Variants in MED16 observed in about 807,000 individuals in gnomAD.
MED16 encodes mediator of RNA polymerase II transcription subunit 16.
A neutral mutation model predicts 84.4 loss-of-function variants in MED16; 81 were observed. The observed-to-expected ratio is 0.96, with a 90% CI of 0.80 to 1.15. MED16 has a LOEUF of 1.15. Ranked by LOEUF, MED16 falls within the 50% of genes most tolerant of loss-of-function variation. The probability of loss-of-function intolerance (pLI) is 0.00; values close to 1 mark genes in which losing one functional copy is unlikely to be tolerated. For synonymous variants in MED16, 897 were observed against 552.2 expected, an observed-to-expected ratio of 1.62 and a Z score of -8.76; for missense variants, 1,585 against 1,245.9, an observed-to-expected ratio of 1.27 and a Z score of -4.10.
chr19:875,095 C>CGGA, intron 10 of MED16, 149 bp downstream of exon 10: 2 of 495,542 alleles, frequency 4.0e-6, no homozygotes, highest in Non-Finnish European at 6.7e-6. Context: ...ACCAGAGAGG[C>CGGA]GGAGGCTGCA....
rs1218357128 is a variant in MED16, at chr19:868,612, C to CTCCCCACG, written c.2400-121_2400-114dup. On this transcript the variant is annotated intron_variant, in intron 14 of 15. Transcript: ENST00000325464. ...CTCTGCTCGCCGTCCCTCACGCCTG[C>CTCCCCACG]TCCCCACGTCCCCACCTGCCACAGG... 7.1e-5 allele frequency: 98 copies of CTCCCCACG among 1,387,540 alleles called. 1 individual carries two copies. The highest frequency in any genetic ancestry group is 2.5e-4 in the Admixed American group (11 of 44,158). The allele number at this position is 1,387,540 out of a possible 1,614,324, so 86.0% of individuals were successfully genotyped here. A position where few individuals can be genotyped will look rare whatever the true frequency, so the allele number is the denominator to read the frequency against.
rs146459484 is a variant in MED16, at chr19:872,612, GC to G, written c.1906-495del. Among the ~76,000 whole-genome samples the G allele has an allele frequency of 3.6e-3, 547 of 151,084 alleles. 26 individuals are homozygous for G. In the South Asian group the frequency reaches 0.089, roughly 24 times the overall value. On this transcript the variant is annotated intron_variant, in intron 11 of 15. Transcript: ENST00000325464. ...GGCAGGATGAAGCCGGGTGGGTGGGGCAGAAGAAATCACAGCTGGGGCAGGA... is the reference window on the plus strand; with the variant it reads ...GGCAGGATGAAGCCGGGTGGGTGGGGAGAAGAAATCACAGCTGGGGCAGGA...
chr19:890,547 A>C, intron 2 of MED16: 1 of 370,688 alleles, frequency 2.7e-6, no homozygotes, highest in Non-Finnish European at 4.9e-6. Flanking sequence ...TTTGATTCCA[A>C]TTTTCTGTGG....
intron 11 of MED16, 123 bp from the exon 12 acceptor site, chr19:872,241 T>A: frequency 1.3e-6 from 1 of 774,586 alleles, no homozygotes; most frequent in South Asian, 1.8e-5. Context: ...ACATTTGTGG[T>A]GGTCAGGACT....
intron 6 of MED16, among the ~76,000 whole-genome samples, chr19:883,172 A>G (rs2036454606): frequency 6.6e-6 from 1 of 152,168 alleles, no homozygotes; most frequent in Non-Finnish European, 1.5e-5. Flanking sequence ...GGGAGAAGCT[A>G]AGCTGCTAAG....
chr19:888,009 C>G (rs1027637144), intron 4 of MED16, among the ~76,000 whole-genome samples: 1 of 151,770 alleles, frequency 6.6e-6, no homozygotes, highest in Admixed American at 6.6e-5. Flanking sequence ...TCGAGACCAC[C>G]CTGACCAACA....
At chr19:882,041 C>G (rs1391544224) in intron 6 of MED16, among the ~76,000 whole-genome samples, 1 of 152,250 alleles carries the variant, frequency 6.6e-6, no homozygotes, top group Non-Finnish European at 1.5e-5. Context: ...AACCCTAACA[C>G]TCGCTCGGCC....
Position 891,084 on chromosome 19 carries a change from G to C in MED16, c.48C>G (p.Ala16=). The C allele has an allele frequency of 6.2e-7, 1 of 1,614,040 alleles. No homozygotes were observed. The highest frequency in any genetic ancestry group is 1.1e-5 in the South Asian group (1 of 91,084). Residue 16 remains alanine (A), a synonymous_variant, in exon 2 of 16, where the codon GCC becomes GCG. Transcript: ENST00000325464. ...ACCATTTCTCCCACTCACAGACGTA[G>C]GCCAAGTCCATCATCCCACCTGCCG... ...RPAAGGMMDL[A]YVCEWEKWSK... is the part of the protein sequence containing the mutation.
At chr19:878,458 G>A (rs373227893) in intron 8 of MED16, among the ~76,000 whole-genome samples, 14 of 57,376 alleles carry the variant, frequency 2.4e-4, no homozygotes, top group African/African-American at 1.0e-3. Context: ...CCGGCCCCAC[G>A]TGCCCCAGCA....
At chr19:888,899 GCA>G (rs2036576656) in intron 4 of MED16, among the ~76,000 whole-genome samples, 1 of 152,166 alleles carries the variant, frequency 6.6e-6, no homozygotes, top group South Asian at 2.1e-4. Flanking sequence ...ACAAGCAGAC[GCA>G]CAGAGGCACG....
At chr19:884,591 G>A (rs1022968551) in intron 6 of MED16, among the ~76,000 whole-genome samples, 9 of 152,114 alleles carry the variant, frequency 5.9e-5, no homozygotes, top group South Asian at 2.1e-4. Context: ...CCGCCCACAC[G>A]CCTGCAGCCC....
rs1166323583 is a variant in MED16 at position 871,727 on chromosome 19, G to C, written c.2098+199C>G. The stretch of plus-strand genomic sequence containing the variant: ...CTGCAGGGGCTTATGTTCTGGCGGG[G>C]GGCTCAGGCAGGACTTGTGTTTTGG... On this transcript the variant is annotated intron_variant, in intron 12 of 15. Transcript: ENST00000325464. 8.6e-6 allele frequency: 10 copies of C among 1,164,078 alleles called. No homozygotes were observed. The South Asian group carries it at 1.0e-4, about 12-fold the overall frequency. 72.1% of individuals were successfully genotyped at this position (1,164,078 alleles called of 1,614,324 possible). A position where few individuals can be genotyped will look rare whatever the true frequency, so the allele number is the denominator to read the frequency against.
At position 875,180 on chromosome 19, in the gene MED16, T is replaced by A. The variant is rs1302256097; in HGVS notation, c.1771+64A>T. ...CCCTATCTCAAAAGAGTAAAAAAAA[T>A]AAATAAAAATAAAATAAATAGATGA... On this transcript the variant is annotated intron_variant, in intron 10 of 15. Transcript: ENST00000325464. The A allele has an allele frequency of 2.8e-5, 32 of 1,146,920 alleles. No individual in the cohort carries two copies. The East Asian group carries it at 5.8e-4, about 21-fold the overall frequency. 71.0% of individuals were successfully genotyped at this position (1,146,920 alleles called of 1,614,324 possible). A position where few individuals can be genotyped will look rare whatever the true frequency, so the allele number is the denominator to read the frequency against.
chr19:873,810 C>T (rs2036161011), intron 10 of MED16, among the ~76,000 whole-genome samples: 1 of 152,166 alleles, frequency 6.6e-6, no homozygotes, highest in South Asian at 2.1e-4. Context: ...CAACCAGCTT[C>T]TCTCGGCCTG....
At chr19:873,608 G>C (rs1252549596) in intron 10 of MED16, 26 bp from the exon 11 acceptor site, 6 of 1,610,676 alleles carry the variant, frequency 3.7e-6, no homozygotes, top group South Asian at 1.1e-5. Context: ...GGTCGGGTCA[G>C]CTCGGGCCTC....
rs1412522910 is a variant in MED16 at position 875,552 on chromosome 19, G to A, written c.1561-98C>T. The A allele has an allele frequency of 7.5e-5, 71 of 951,410 alleles. 1 individual carries two copies. In the Admixed American group the frequency reaches 1.3e-3, roughly 18 times the overall value. The allele number at this position is 951,410 out of a possible 1,614,324, so 58.9% of individuals were successfully genotyped here. ...GAGCAGTTCGACTCTGACACCAGGCGCTCGGTCAGCTGGGCAAGCTGCTTC... is the reference window on the plus strand; with the variant it reads ...GAGCAGTTCGACTCTGACACCAGGCACTCGGTCAGCTGGGCAAGCTGCTTC... On this transcript the variant is annotated intron_variant, in intron 9 of 15. Coordinates refer to ENST00000325464, the MANE Select transcript of MED16 (RefSeq NM_005481.3).
chr19:881,727 GGGCAGGAAAACAGGAA>G lies in MED16; in HGVS notation c.986-29_986-14del. On this transcript the variant is annotated splice_polypyrimidine_tract_variant and intron_variant, in intron 6 of 15. Coordinates refer to ENST00000325464, the MANE Select transcript of MED16 (RefSeq NM_005481.3). The stretch of plus-strand genomic sequence containing the variant: ...TGTTTGTCGCCAACTGAAAAATCAG[GGGCAGGAAAACAGGAA>G]GGCAATGGAGTAAAGACAGGCTGAG... 2 of 1,607,496 alleles carry G rather than the reference GGGCAGGAAAACAGGAA, an allele frequency of 1.2e-6. No homozygotes were observed. The highest frequency in any genetic ancestry group is 2.2e-5 in the South Asian group (2 of 90,788).
intron 12 of MED16, chr19:871,530 A>T (rs977189750): frequency 3.2e-6 from 5 of 1,571,346 alleles, no homozygotes; most frequent in Non-Finnish European, 4.3e-6. Context: ...TTTTCCAGAC[A>T]CTGGGATGTA....
intron 3 of MED16, 34 bp downstream of exon 3, chr19:890,103 C>A: frequency 6.7e-7 from 1 of 1,482,456 alleles, no homozygotes; most frequent in South Asian, 1.2e-5. Flanking sequence ...GGATCCGGGT[C>A]GCCACCCCTG....
Sources: gnomAD v4.1 joint callset for allele counts (sites outside exome capture counted in the v4.1 genomes callset) on GRCh38, gnomAD v4.1.1 for gene constraint, MANE v1.5 for transcripts, NCBI Gene and HGNC (gene_info 2026-07-23, HGNC 2026-07-21) for gene names.